ZKSCAN7: variants seen among roughly 807,000 people sequenced by gnomAD.
ZKSCAN7 encodes zinc finger with KRAB and SCAN domains 7.
Under a neutral mutation model 65.3 loss-of-function variants are expected in ZKSCAN7, and 38 were observed. The ratio of observed to expected loss-of-function variants is 0.58; its 90% CI spans 0.45 to 0.76. The LOEUF is 0.76. Ranked by LOEUF, ZKSCAN7 falls within the 30% of genes least tolerant of loss-of-function variation. The probability of loss-of-function intolerance (pLI) is 0.00; values close to 1 mark genes in which losing one functional copy is unlikely to be tolerated. For synonymous variants in ZKSCAN7, 321 were observed against 321.0 expected (o/e 1.00, Z 0.00); for missense variants, 815 against 913.3 (o/e 0.89, Z 1.39).
intron 2 of ZKSCAN7, among the ~76,000 whole-genome samples, chr3:44,560,800 G>A (rs775416290): frequency 2.9e-4 from 44 of 152,170 alleles, no homozygotes; most frequent in Non-Finnish European, 5.6e-4. Context: ...GAGCCACCAC[G>A]CCTGGCCTGT....
At position 44,557,104 on chromosome 3, in the gene ZKSCAN7, G is replaced by A. The variant is rs762601986; in HGVS notation, c.57G>A (p.Gln19=). Residue 19 remains glutamine, a synonymous_variant, in exon 2 of 6, where the codon CAG becomes CAA. Transcript: ENST00000426540. ...TCATCCCCAGGAGCACTGCTTTCCA[G>A]AAGCAAGAGGGGCGCCTGACTGTGA... The part of the protein sequence containing the change: ...LGLIPRSTAF[Q]KQEGRLTVKQ... The A allele has an allele frequency of 3.1e-6, 5 of 1,614,258 alleles. No individual in the cohort carries two copies. In the Admixed American group the frequency reaches 8.3e-5, roughly 27 times the overall value.
At position 44,556,919 on chromosome 3, in the gene ZKSCAN7, T is replaced by C. The variant is rs1699310324; in HGVS notation, c.-118-11T>C. On this transcript the variant is annotated splice_polypyrimidine_tract_variant and intron_variant, in intron 1 of 5. Coordinates refer to ENST00000426540, the MANE Select transcript of ZKSCAN7 (RefSeq NM_001288590.2). ...ACTCCAAGAACTCTGATTTCACTCT[T>C]GTTTCTGTAGGCCACACTACCATCA... 5.7e-6 allele frequency: 7 copies of C among 1,231,310 alleles called. No homozygotes were observed. In the East Asian group the frequency reaches 1.2e-4, roughly 20 times the overall value. 76.3% of individuals were successfully genotyped at this position (1,231,310 alleles called of 1,614,324 possible). A position where few individuals can be genotyped will look rare whatever the true frequency, so the allele number is the denominator to read the frequency against.
chr3:44,580,720 A>G, intron 5 of ZKSCAN7: 6 of 1,613,862 alleles, frequency 3.7e-6, no homozygotes, highest in Non-Finnish European at 4.2e-6. Context: ...ACATCTGTGC[A>G]CTGGTTCATG....
Position 44,561,064 on chromosome 3 carries a change from T to C in ZKSCAN7, c.423+3594T>C, listed in dbSNP as rs937716613. ...ATATTAGAATGAGGTTTTCATGTCT[T>C]CAAGGAAGGGAAACCTGTGATTCTG... On this transcript the variant is annotated intron_variant, in intron 2 of 5. Transcript: ENST00000426540. Among the ~76,000 whole-genome samples the C allele has an allele frequency of 2.0e-5, 3 of 152,178 alleles. 1 individual carries two copies. The South Asian group carries it at 6.2e-4, about 32-fold the overall frequency.
chr3:44,580,684 G>A (rs114115348), intron 5 of ZKSCAN7: 26,351 of 1,613,890 alleles, frequency 0.016, 275 homozygotes, highest in Non-Finnish European at 0.019. Context: ...GAGAACCTCT[G>A]GCCCGTGCGG....
intron 2 of ZKSCAN7, among the ~76,000 whole-genome samples, chr3:44,559,116 AGG>A (rs1348273304): frequency 6.6e-6 from 1 of 151,910 alleles, no homozygotes; most frequent in East Asian, 1.9e-4. Context: ...TTTGCTTTTA[AGG>A]GCTTACAACT....
In ZKSCAN7 at chr3:44,557,308, G is replaced by A. The variant is rs140920754; in HGVS notation, c.261G>A (p.Val87=). The A allele has an allele frequency of 2.3e-4, 378 of 1,614,292 alleles. 1 individual carries two copies. The East Asian group carries it at 8.2e-3, about 35-fold the overall frequency. ...GCCGCTGGTGGCTCATGCCAGAGGT[G>A]CACACCAAGGAGCAGATCCTGGAGC... ...ELCRWWLMPE[V]HTKEQILELL... is the part of the protein sequence containing the mutation. The change falls in exon 2 of 6, where the codon GTG becomes GTA. Residue 87 remains valine, a synonymous_variant. Transcript: ENST00000426540.
At chr3:44,557,847 T>A (rs1413621724) in intron 2 of ZKSCAN7, among the ~76,000 whole-genome samples, 1 of 152,228 alleles carries the variant, frequency 6.6e-6, no homozygotes, top group Non-Finnish European at 1.5e-5. Context: ...TTCCTTGGAC[T>A]TCTCAGAGTC....
intron 5 of ZKSCAN7, chr3:44,580,468 T>C (rs1316118026): frequency 7.8e-6 from 12 of 1,545,632 alleles, no homozygotes; most frequent in African/African-American, 1.4e-5. Context: ...GCACTGGGGA[T>C]GCTGCTGCTG....
At position 44,557,944 on chromosome 3, in the gene ZKSCAN7, A is replaced by G. The variant is rs74328318; in HGVS notation, c.423+474A>G. ...ATTTGTTCCTTTTGCTAGCTCTCCA[A>G]ACCTAACTGGGATCTTTTTGCATCT... On this transcript the variant is annotated intron_variant, in intron 2 of 5. Transcript: ENST00000426540. Among the ~76,000 whole-genome samples the G allele has an allele frequency of 2.4e-3, 372 of 152,218 alleles. 4 individuals are homozygous for G. The highest frequency in any genetic ancestry group is 8.4e-3 in the African/African-American group (350 of 41,518).
Position 44,557,357 on chromosome 3 carries a change from A to G in ZKSCAN7, c.310A>G (p.Ser104Gly), listed in dbSNP as rs1699327338. 1 of 1,614,108 alleles carries G rather than the reference A, an allele frequency of 6.2e-7. No individual in the cohort carries two copies. The highest frequency in any genetic ancestry group is 1.7e-5 in the Admixed American group (1 of 60,010). The stretch of plus-strand genomic sequence containing the variant: ...GCTGCTGGTGCTTGAGCAGTTCCTG[A>G]GCATCCTCCCTGGGGAGCTCCGGAC... ...LELLVLEQFL[S>G]ILPGELRTWV... The change falls in exon 2 of 6, where the codon AGC becomes GGC. Residue 104 changes from serine to glycine, a missense_variant. Around this residue, in one of 3 missense-constraint regions of ZKSCAN7, gnomAD observed 227 missense variants for 253.3 expected, o/e 0.90. Coordinates refer to ENST00000426540, the MANE Select transcript of ZKSCAN7 (RefSeq NM_001288590.2).
chr3:44,568,897 G>A (rs1699714133), intron 5 of ZKSCAN7, among the ~76,000 whole-genome samples: 1 of 152,106 alleles, frequency 6.6e-6, no homozygotes. Context: ...TCCTCCTCTT[G>A]CCCATTTTCT....
At chr3:44,568,131 C>T (rs1213505590) in intron 4 of ZKSCAN7, 128 bp downstream of exon 4, 3 of 1,543,598 alleles carry the variant, frequency 1.9e-6, no homozygotes, top group Admixed American at 1.9e-5. Context: ...CATTACTTCC[C>T]CTGGAGGTAA....
At chr3:44,581,275 C>T (rs189793156) in intron 5 of ZKSCAN7, among the ~76,000 whole-genome samples, 4 of 149,364 alleles carry the variant, frequency 2.7e-5, no homozygotes, top group Admixed American at 1.3e-4. Flanking sequence ...GACGCGGCCT[C>T]GGGCCCGCTG....
chr3:44,572,632 G>A (rs576109484), downstream of ZKSCAN7, among the ~76,000 whole-genome samples: 4 of 151,824 alleles, frequency 2.6e-5, no homozygotes, highest in East Asian at 1.9e-4. Context: ...GGCGGATCAC[G>A]AGGTCAGGAG....
chr3:44,579,009 T>G (rs1235923086), intron 5 of ZKSCAN7, among the ~76,000 whole-genome samples: 1 of 152,072 alleles, frequency 6.6e-6, no homozygotes, highest in Non-Finnish European at 1.5e-5. Flanking sequence ...AGCAGAGAGG[T>G]CAGCTCGTGT....
chr3:44,569,880 A>T, intron 5 of ZKSCAN7, 42 bp from the exon 6 acceptor site: 1 of 1,502,674 alleles, frequency 6.7e-7, no homozygotes. Flanking sequence ...CTTAAACAGG[A>T]TAAGAAATGG....
intron 2 of ZKSCAN7, among the ~76,000 whole-genome samples, chr3:44,558,663 C>G (rs774414678): frequency 1.3e-5 from 2 of 152,136 alleles, no homozygotes; most frequent in Non-Finnish European, 2.9e-5. Context: ...CAAGCTGAAG[C>G]TGCAGTGCAC....
intron 5 of ZKSCAN7, among the ~76,000 whole-genome samples, chr3:44,579,234 C>T (rs999003983): frequency 6.6e-5 from 10 of 152,336 alleles, no homozygotes; most frequent in Admixed American, 1.3e-4. Context: ...CCGCCTGTGG[C>T]GTCCAGCATC....
Sources: allele counts gnomAD v4.1 joint callset (sites outside exome capture counted in the v4.1 genomes callset), GRCh38; gene constraint gnomAD v4.1.1; regional missense constraint gnomAD v4.1.1; transcripts MANE v1.5; gene names NCBI Gene and HGNC (gene_info 2026-07-23, HGNC 2026-07-21).